The following EPN2 variants were observed in gnomAD, a reference collection of about 807,000 sequenced individuals.
EPN2 encodes the protein epsin-2.
A neutral mutation model predicts 61.7 loss-of-function variants in EPN2; 34 were observed. The ratio of observed to expected loss-of-function variants is 0.55; its 90% CI spans 0.42 to 0.73. The LOEUF is 0.73. EPN2 is among the 30% of genes least tolerant of loss of function. The probability of loss-of-function intolerance (pLI) is 0.00; values close to 1 mark genes in which losing one functional copy is unlikely to be tolerated. For missense variants in EPN2, 714 were observed against 839.2 expected (o/e 0.85, Z 1.84); for synonymous variants, 349 against 353.6 (o/e 0.99, Z 0.15).
chr17:19,312,013 A>C (rs1328025899), intron 5 of EPN2, 39 bp from the exon 6 acceptor site: 1 of 1,320,616 alleles, frequency 7.6e-7, no homozygotes, highest in Non-Finnish European at 1.1e-6. Context: ...CTGTACAGTG[A>C]TGTTATTACA....
At position 19,276,773 on chromosome 17, in the gene EPN2, G is replaced by GTTTT. The variant is rs80078595; in HGVS notation, c.-293-5167_-293-5164dup. Among the ~76,000 whole-genome samples the GTTTT allele has an allele frequency of 2.4e-4, 29 of 119,322 alleles. 2 individuals carry two copies. Among genetic ancestry groups the GTTTT allele is most frequent in the African/African-American group, 6.2e-4 (15 of 24,104 alleles). 78.3% of individuals were successfully genotyped at this position (119,322 alleles called of 152,430 possible). On this transcript the variant is annotated intron_variant, in intron 1 of 10. Coordinates refer to ENST00000314728, the MANE Select transcript of EPN2 (RefSeq NM_014964.5). Reference sequence around the variant, plus strand: ...GTCAGTATGTAATTTATGAGAATAAGTTTTTTTTTTTTTTTTTTGCTGTAT... The same window carrying GTTTT: ...GTCAGTATGTAATTTATGAGAATAAGTTTTTTTTTTTTTTTTTTTTTTGCTGTAT...
intron 4 of EPN2, chr17:19,307,982 G>A (rs1415502180): frequency 2.0e-6 from 2 of 985,248 alleles, no homozygotes; most frequent in African/African-American, 1.7e-5. Flanking sequence ...TGGAAAGTAA[G>A]GCAGAAGCAA....
intron 1 of EPN2, among the ~76,000 whole-genome samples, chr17:19,239,847 G>T (rs1426308561): frequency 6.6e-6 from 1 of 152,200 alleles, no homozygotes; most frequent in Non-Finnish European, 1.5e-5. Context: ...CTAGCATCGT[G>T]TATGCAGCCT....
intron 1 of EPN2, among the ~76,000 whole-genome samples, chr17:19,253,351 T>G (rs2045035417): frequency 6.6e-6 from 1 of 151,966 alleles, no homozygotes; most frequent in Non-Finnish European, 1.5e-5. Context: ...ATACCACAAT[T>G]TATTTATTTA....
chr17:19,309,049 T>C (rs1429258047), intron 4 of EPN2, among the ~76,000 whole-genome samples: 1 of 152,114 alleles, frequency 6.6e-6, no homozygotes, highest in Non-Finnish European at 1.5e-5. Flanking sequence ...ACAAAGCTGC[T>C]TACAGAACGA....
At chr17:19,261,795 A>G (rs1457619752) in intron 1 of EPN2, among the ~76,000 whole-genome samples, 2 of 152,250 alleles carry the variant, frequency 1.3e-5, no homozygotes, top group Non-Finnish European at 2.9e-5. Flanking sequence ...TTCATGGGGC[A>G]TGTCCAGTGT....
At chr17:19,308,317 G>A (rs983454405) in intron 4 of EPN2, 3 of 932,726 alleles carry the variant, frequency 3.2e-6, no homozygotes, top group African/African-American at 1.8e-5. Context: ...CAGGTGATCC[G>A]CCCGTCTCAG....
rs1394300705 is a variant in EPN2 at position 19,313,126 on chromosome 17, A to T, written c.994A>T (p.Thr332Ser). Residue 332 changes from threonine to serine, a missense_variant, in exon 7 of 11, where the codon ACT becomes TCT. Thr to Ser is a moderately conservative substitution (Grantham distance 58). Coordinates refer to ENST00000314728, the MANE Select transcript of EPN2 (RefSeq NM_014964.5). The stretch of plus-strand genomic sequence containing the variant: ...AAAGCATGGCTCTCTCCCACAGCAG[A>T]CTACGCTGTTGGATTTAATGGATGC... ...KKEHGSLPQQ[T>S]TLLDLMDALP... 6 of 1,613,822 alleles carry T rather than the reference A, an allele frequency of 3.7e-6. No individual in the cohort carries two copies. The highest frequency in any genetic ancestry group is 5.1e-6 in the Non-Finnish European group (6 of 1,179,840).
chr17:19,281,232 C>T (rs548467750), intron 1 of EPN2, among the ~76,000 whole-genome samples: 4 of 152,270 alleles, frequency 2.6e-5, no homozygotes, highest in African/African-American at 7.2e-5. Flanking sequence ...CTCCCCTTAC[C>T]GGGACTGATC....
intron 4 of EPN2, among the ~76,000 whole-genome samples, chr17:19,301,573 G>A (rs895300613): frequency 3.9e-5 from 6 of 152,148 alleles, no homozygotes; most frequent in Non-Finnish European, 8.8e-5. Context: ...TGGCATCACT[G>A]CCCCACTTAA....
intron 1 of EPN2, among the ~76,000 whole-genome samples, chr17:19,254,532 C>G (rs2045052247): frequency 6.6e-6 from 1 of 152,116 alleles, no homozygotes; most frequent in East Asian, 1.9e-4. Flanking sequence ...CAGAGCGAGA[C>G]TCTGTCTCAA....
At chr17:19,288,550 G>A (rs2045427693) in intron 4 of EPN2, among the ~76,000 whole-genome samples, 2 of 152,142 alleles carry the variant, frequency 1.3e-5, no homozygotes, top group Admixed American at 6.5e-5. Context: ...AGGCAGAAGG[G>A]CAGCTGTGCA....
At chr17:19,310,380 G>A (rs1352749740) in intron 5 of EPN2, among the ~76,000 whole-genome samples, 1 of 152,148 alleles carries the variant, frequency 6.6e-6, no homozygotes, top group Non-Finnish European at 1.5e-5. Context: ...AGGGGCAGGA[G>A]CCAGCCCAGC....
Position 19,285,748 on chromosome 17 carries a change from G to A in EPN2, c.724G>A (p.Asp242Asn), listed in dbSNP as rs766973140. The change falls in exon 4 of 11, where the codon GAC (aspartate) becomes AAC (asparagine). Residue 242 changes from aspartate to asparagine, a missense_variant. This residue lies in a region of EPN2 where 304 missense variants were observed against 417.4 expected (regional missense o/e 0.73). Transcript: ENST00000314728. This position sits in a 1 kb window ranked among gnomAD's most constrained non-coding sequence, Gnocchi z 4.5. ...HLGLASRPNG[D>N]WSQPCLTCDR... The stretch of plus-strand genomic sequence containing the variant: ...GGGGCTGGCCTCCCGCCCAAATGGC[G>A]ACTGGTCCCAGCCCTGCCTCACTTG... 6.8e-6 allele frequency: 11 copies of A among 1,608,938 alleles called. No homozygotes were observed. Among genetic ancestry groups the A allele is most frequent in the East Asian group, 4.5e-5 (2 of 44,760 alleles).
chr17:19,259,839 T>C (rs1395088263), intron 1 of EPN2, among the ~76,000 whole-genome samples: 5 of 152,188 alleles, frequency 3.3e-5, no homozygotes, highest in African/African-American at 1.2e-4. Flanking sequence ...CGGACTTCTT[T>C]ATCTTTACCA....
chr17:19,268,066 G>T (rs1258057040), intron 1 of EPN2, among the ~76,000 whole-genome samples: 2 of 152,190 alleles, frequency 1.3e-5, no homozygotes, highest in Non-Finnish European at 2.9e-5. Context: ...CTACCTTAGT[G>T]GCAGGTGTGT....
intron 1 of EPN2, among the ~76,000 whole-genome samples, chr17:19,270,764 G>A (rs756782538): frequency 2.6e-5 from 4 of 152,194 alleles, no homozygotes; most frequent in Admixed American, 6.5e-5. Flanking sequence ...CTAGGCTGCT[G>A]CCCAGGCTGC....
chr17:19,240,752 G>A (rs749515226), intron 1 of EPN2, among the ~76,000 whole-genome samples: 1 of 152,098 alleles, frequency 6.6e-6, no homozygotes, highest in African/African-American at 2.4e-5. Context: ...GTGCACTTAC[G>A]ACATTGTCCG....
intron 4 of EPN2, among the ~76,000 whole-genome samples, chr17:19,290,496 C>G (rs1172995558): frequency 2.0e-5 from 3 of 151,932 alleles, no homozygotes; most frequent in African/African-American, 7.3e-5. Context: ...CACTCTAAGG[C>G]CAGGGGCCAG....
Sources: allele counts gnomAD v4.1 joint callset (sites outside exome capture counted in the v4.1 genomes callset), GRCh38; gene constraint gnomAD v4.1.1; regional missense constraint gnomAD v4.1.1; non-coding constraint Gnocchi (gnomAD v3.1); transcripts MANE v1.5; gene names NCBI Gene and HGNC (gene_info 2026-07-23, HGNC 2026-07-21).